The following TERB1 variants were observed in gnomAD, a reference collection of about 807,000 sequenced individuals.
TERB1 encodes the protein telomere repeats-binding bouquet formation protein 1.
Under a neutral mutation model 92.3 loss-of-function variants are expected in TERB1, and 63 were observed. That is an observed-to-expected ratio of 0.68 (90% confidence interval 0.56 to 0.84). The LOEUF (loss-of-function observed/expected upper bound fraction) is 0.84, where lower values mean the gene tolerates loss of function less well. Ranked by LOEUF, TERB1 falls within the 40% of genes least tolerant of loss-of-function variation. The pLI is 0.00. For synonymous variants in TERB1, 252 were observed against 283.9 expected (o/e 0.89, Z 1.13); for missense variants, 709 against 843.7 (o/e 0.84, Z 1.98).
Position 66,785,983 on chromosome 16 carries a change from A to G in TERB1, c.577+31T>C, listed in dbSNP as rs1278836469. 4 of 1,528,344 alleles carry G rather than the reference A, an allele frequency of 2.6e-6. No individual in the cohort carries two copies. In the East Asian group the frequency reaches 9.8e-5, roughly 38 times the overall value. 94.7% of individuals were successfully genotyped at this position (1,528,344 alleles called of 1,614,324 possible). A position where few individuals can be genotyped will look rare whatever the true frequency, so the allele number is the denominator to read the frequency against. On this transcript the variant is annotated intron_variant, in intron 8 of 18. Transcript: ENST00000433154. Reference sequence around the variant, plus strand: ...TCAGTTTTCATTTGTTTTTATCTTTATTTTTATATTTAAACATGACAGATA... The same window carrying G: ...TCAGTTTTCATTTGTTTTTATCTTTGTTTTTATATTTAAACATGACAGATA...
rs1187018562 is a variant in TERB1 at position 66,786,279 on chromosome 16, C to T, written c.407G>A (p.Gly136Glu). Residue 136 changes from glycine to glutamate, a missense_variant, in exon 7 of 19, where the codon GGA becomes GAA. Transcript: ENST00000433154. ...ILVLVSNNRT[G>E]QTLVRETGCI... ...ACCTGTTTCTCTCACAAGTGTTTGT[C>T]CGGTCCCTTAAAAAAATAGCCATAT... 6.5e-7 allele frequency: 1 copy of T among 1,545,046 alleles called. No homozygotes were observed. Among genetic ancestry groups the T allele is most frequent in the Non-Finnish European group, 8.7e-7 (1 of 1,144,016 alleles).
chr16:66,789,304 G>GGACTATATCTTA (rs1555509453), intron 5 of TERB1, among the ~76,000 whole-genome samples: 2 of 109,416 alleles, frequency 1.8e-5, no homozygotes, highest in Non-Finnish European at 1.8e-5. Flanking sequence ...AAAAAATTCG[G>GGACTATATCTTA]CCGGGCGCGG....
In TERB1 at chr16:66,796,282, C is replaced by T. The variant is rs544437488; in HGVS notation, c.31+486G>A. 1.8e-4 allele frequency among the ~76,000 whole-genome samples: 27 copies of T among 152,308 alleles called. No individual in the cohort carries two copies. The East Asian group carries it at 3.9e-3, about 22-fold the overall frequency. Reference sequence around the variant, plus strand: ...CAACCTCTTTCTCATGAAGCATTCTCGTAAGGTTCTGATTTCCAAGATACC... The same window carrying T: ...CAACCTCTTTCTCATGAAGCATTCTTGTAAGGTTCTGATTTCCAAGATACC... On this transcript the variant is annotated intron_variant, in intron 3 of 18. Transcript: ENST00000433154.
chr16:66,787,867 C>A (rs1188765160), intron 6 of TERB1, among the ~76,000 whole-genome samples: 1 of 152,138 alleles, frequency 6.6e-6, no homozygotes, highest in Non-Finnish European at 1.5e-5. Context: ...TTGAGACCAG[C>A]CTGGCCAACA....
chr16:66,782,888 T>C (rs1167331425), intron 9 of TERB1, among the ~76,000 whole-genome samples: 5 of 152,174 alleles, frequency 3.3e-5, no homozygotes, highest in Admixed American at 3.3e-4. Flanking sequence ...GGGGCGGTGT[T>C]ACAGGATCTC....
In TERB1 at chr16:66,799,518, G is replaced by A. The variant is rs950226717; in HGVS notation, c.-33+1459C>T. On this transcript the variant is annotated intron_variant, in intron 2 of 18. Transcript: ENST00000433154. The stretch of plus-strand genomic sequence containing the variant: ...GCTGGGGTTACAGGTGTGAGCCACC[G>A]TGCCTGGCCTAAGAGGGGTAATGTA... Among the ~76,000 whole-genome samples, 9 of 151,934 alleles carry A rather than the reference G, an allele frequency of 5.9e-5. No individual in the cohort carries two copies. In the South Asian group the frequency reaches 8.3e-4, roughly 14 times the overall value.
chr16:66,775,014 G>T, intron 12 of TERB1, 104 bp downstream of exon 12: 2 of 1,249,580 alleles, frequency 1.6e-6, no homozygotes, highest in Non-Finnish European at 2.2e-6. Context: ...CTTTTCAAAT[G>T]TAAGAAGAAT....
In TERB1 at chr16:66,755,056, A is replaced by G; in HGVS notation, c.2104T>C (p.Phe702Leu). 6.4e-7 allele frequency: 1 copy of G among 1,551,716 alleles called. No individual in the cohort carries two copies. Among genetic ancestry groups the G allele is most frequent in the Non-Finnish European group, 8.7e-7 (1 of 1,146,976 alleles). Residue 702 changes from phenylalanine to leucine, a missense_variant, in exon 19 of 19, where the codon TTT becomes CTT. Coordinates refer to ENST00000433154, the MANE Select transcript of TERB1 (RefSeq NM_001136505.2). The stretch of plus-strand genomic sequence containing the variant: ...TCCACAGCCTTCCGTCCTTGCTGAA[A>G]GGGGAAAGACCACAAAATTGAATTC... ...HWNSILWSFP[F>L]QQGRKAVDLA...
intron 14 of TERB1, among the ~76,000 whole-genome samples, chr16:66,768,831 C>T (rs1413923622): frequency 1.3e-5 from 2 of 151,996 alleles, no homozygotes; most frequent in Non-Finnish European, 2.9e-5. Flanking sequence ...TAGCCGGGTG[C>T]GGTGGTTCAC....
At chr16:66,797,304 C>A (rs549847414) in intron 2 of TERB1, among the ~76,000 whole-genome samples, 1 of 150,060 alleles carries the variant, frequency 6.7e-6, no homozygotes, top group African/African-American at 2.5e-5. Flanking sequence ...GGCTTGATCA[C>A]GACTCCCTGC....
At chr16:66,758,614 G>A in intron 18 of TERB1, 159 bp downstream of exon 18, 1 of 517,256 alleles carries the variant, frequency 1.9e-6, no homozygotes. Flanking sequence ...GGTGGCACAT[G>A]TCTGTAATCC....
chr16:66,771,279 A>G (rs756179284), intron 13 of TERB1, among the ~76,000 whole-genome samples: 6 of 152,202 alleles, frequency 3.9e-5, no homozygotes, highest in Non-Finnish European at 7.3e-5. Flanking sequence ...TTCATCTATT[A>G]CACTCACAAA....
rs781566131 is a variant in TERB1, at chr16:66,761,922, G to A, written c.1781-2632C>T. ...ACAAAAATTAGCTAAGTGTATTGGC[G>A]CGCCCCTGTAATCCCAGCTACTCGG... is the stretch of plus-strand genomic sequence containing the variant. On this transcript the variant is annotated intron_variant, in intron 16 of 18. Transcript: ENST00000433154. Among the ~76,000 whole-genome samples, 23 of 151,950 alleles carry A rather than the reference G, an allele frequency of 1.5e-4. 1 individual carries two copies. In the Middle Eastern group the frequency reaches 0.01, roughly 68 times the overall value.
chr16:66,760,130 CA>C (rs148772308), intron 16 of TERB1, among the ~76,000 whole-genome samples: 7,634 of 23,424 alleles, frequency 0.33, 423 homozygotes, highest in East Asian at 0.46. Flanking sequence ...GACTCCATCT[CA>C]AAAAAAAAAA....
At chr16:66,787,685 C>T (rs1350546261) in intron 6 of TERB1, among the ~76,000 whole-genome samples, 1 of 152,124 alleles carries the variant, frequency 6.6e-6, no homozygotes, top group Admixed American at 6.5e-5. Context: ...AAACCTGTTA[C>T]CTTTCAATGC....
intron 9 of TERB1, among the ~76,000 whole-genome samples, chr16:66,782,649 C>T (rs561797068): frequency 2.2e-4 from 33 of 152,052 alleles, no homozygotes; most frequent in East Asian, 9.7e-4. Context: ...CACAGTCCTA[C>T]GGTTTTATAC....
chr16:66,772,710 T>C lies in TERB1; in HGVS notation c.1151A>G (p.Asp384Gly), dbSNP rs1384326032. 6.5e-7 allele frequency: 1 copy of C among 1,548,690 alleles called. No individual in the cohort carries two copies. The highest frequency in any genetic ancestry group is 2.4e-5 in the East Asian group (1 of 40,836). Reference protein sequence around the residue: ...LSLSLGEYPFDENETQQLKDI... With the variant: ...LSLSLGEYPFGENETQQLKDI... ...CTTTAATTGCTGTGTTTCATTTTCA[T>C]CAAAAGGATATTCTCCTAGACTTAG... Residue 384 changes from aspartate (D) to glycine (G), a missense_variant, in exon 13 of 19, where the codon GAT becomes GGT. Asp to Gly is a moderately conservative substitution (Grantham distance 94). Coordinates refer to ENST00000433154, the MANE Select transcript of TERB1 (RefSeq NM_001136505.2).
chr16:66,782,658 ACTT>A (rs1279551147), intron 9 of TERB1, among the ~76,000 whole-genome samples: 1 of 151,986 alleles, frequency 6.6e-6, no homozygotes, highest in East Asian at 1.9e-4. Context: ...ACGGTTTTAT[ACTT>A]TTTTCCCCAA....
At chr16:66,785,953 A>G in intron 8 of TERB1, 45 bp from the exon 9 acceptor site, 1 of 1,528,552 alleles carries the variant, frequency 6.5e-7, no homozygotes, top group Non-Finnish European at 8.8e-7. Context: ...GACAATTGGA[A>G]AATATCAGTT....
Sources: allele counts gnomAD v4.1 joint callset (sites outside exome capture counted in the v4.1 genomes callset), GRCh38; gene constraint gnomAD v4.1.1; transcripts MANE v1.5; gene names NCBI Gene and HGNC (gene_info 2026-07-23, HGNC 2026-07-21).